HDAC9: variants seen among roughly 807,000 people sequenced by gnomAD.
HDAC9 encodes histone deacetylase 9, also known as MEF-2 interacting transcription repressor (MITR) protein.
HDAC9 carries 41 observed loss-of-function variants against 139.4 expected under a neutral mutation model. The ratio of observed to expected loss-of-function variants is 0.29; its 90% confidence interval spans 0.23 to 0.38. The LOEUF (loss-of-function observed/expected upper bound fraction) is 0.38. HDAC9 is among the 10% of genes least tolerant of loss of function. The probability of loss-of-function intolerance (pLI) is 1.00; values close to 1 mark genes in which losing one functional copy is unlikely to be tolerated. For missense variants in HDAC9, 1,147 were observed against 1,297.0 expected, an observed-to-expected ratio of 0.88 and a Z score of 1.78; for synonymous variants, 517 against 476.2, an observed-to-expected ratio of 1.09 and a Z score of -1.12.
chr7:18,137,657 A>T (rs1318910354), intron 1 of HDAC9, among the ~76,000 whole-genome samples: 1 of 150,816 alleles, frequency 6.6e-6, no homozygotes, highest in Non-Finnish European at 1.5e-5. Context: ...GATGAAGCCC[A>T]CTTGATCATG....
At chr7:18,906,452 C>A (rs1306399408) in intron 22 of HDAC9, among the ~76,000 whole-genome samples, 1 of 152,096 alleles carries the variant, frequency 6.6e-6, no homozygotes, top group Non-Finnish European at 1.5e-5. Flanking sequence ...ATGTCTTTTT[C>A]TAAATACAGA....
intron 1 of HDAC9, among the ~76,000 whole-genome samples, chr7:18,131,399 A>G (rs1425464446): frequency 6.6e-6 from 1 of 152,194 alleles, no homozygotes; most frequent in Non-Finnish European, 1.5e-5. Flanking sequence ...TGTTATGGTT[A>G]AAGAACGAGT....
At chr7:18,963,585 A>G (rs1185586988) in intron 24 of HDAC9, among the ~76,000 whole-genome samples, 1 of 152,196 alleles carries the variant, frequency 6.6e-6, no homozygotes, top group Non-Finnish European at 1.5e-5. Flanking sequence ...CTTTCAAATA[A>G]TGATAATAGA....
chr7:18,993,728 G>A (rs191244225), intron 25 of HDAC9, among the ~76,000 whole-genome samples: 93 of 152,150 alleles, frequency 6.1e-4, no homozygotes, highest in African/African-American at 2.0e-3. Flanking sequence ...GCTTGAGCCC[G>A]GGAGGTTGAG....
intron 2 of HDAC9, chr7:18,578,068 A>G: frequency 2.0e-6 from 1 of 503,658 alleles, no homozygotes; most frequent in South Asian, 1.4e-5. Flanking sequence ...TTTGGGAGCT[A>G]GAATCCCAAA....
chr7:18,947,075 A>G (rs1051984618), intron 23 of HDAC9, among the ~76,000 whole-genome samples: 3 of 152,030 alleles, frequency 2.0e-5, no homozygotes, highest in Non-Finnish European at 4.4e-5. Context: ...GTATTCTGAA[A>G]TAAAGCATTA....
At chr7:18,475,898 G>A (rs1260310705) in intron 1 of HDAC9, among the ~76,000 whole-genome samples, 24 of 152,152 alleles carry the variant, frequency 1.6e-4, no homozygotes, top group Admixed American at 1.6e-3. Flanking sequence ...AGCTCTATGT[G>A]ATTTTAAGAT....
At chr7:18,235,362 G>C (rs993668001) in intron 2 of HDAC9, among the ~76,000 whole-genome samples, 1 of 151,672 alleles carries the variant, frequency 6.6e-6, no homozygotes, top group Non-Finnish European at 1.5e-5. Flanking sequence ...TTTTAACAAC[G>C]AACTCTCTGA....
At chr7:18,194,689 T>C (rs1562733905) in intron 2 of HDAC9, among the ~76,000 whole-genome samples, 1 of 152,212 alleles carries the variant, frequency 6.6e-6, no homozygotes, top group Non-Finnish European at 1.5e-5. Flanking sequence ...ATTTTAAAGA[T>C]GTATTCATAC....
At chr7:18,097,305 A>G (rs1035777473) in intron 1 of HDAC9, among the ~76,000 whole-genome samples, 6 of 152,194 alleles carry the variant, frequency 3.9e-5, no homozygotes, top group Non-Finnish European at 8.8e-5. Flanking sequence ...AAATAGGGCA[A>G]TATAGTCCAC....
chr7:18,496,191 A>C lies in HDAC9; in HGVS notation c.-41-71A>C, dbSNP rs775503487. The C allele has an allele frequency of 1.0e-5, 16 of 1,538,938 alleles. No homozygotes were observed. In the African/African-American group the frequency reaches 2.0e-4, roughly 20 times the overall value. On this transcript the variant is annotated intron_variant, in intron 1 of 25. Transcript: ENST00000686413. ...TGCACTGAGCAGTGATGAATGTTTC[A>C]TGTAGCTGAAGTAAGAGTGACTGGA...
chr7:18,569,481 A>T (rs182087470), intron 2 of HDAC9, among the ~76,000 whole-genome samples: 1 of 152,102 alleles, frequency 6.6e-6, no homozygotes, highest in Non-Finnish European at 1.5e-5. Context: ...TATACTTTTG[A>T]TTGTACAAAG....
At chr7:18,880,851 G>T (rs879425097) in intron 22 of HDAC9, among the ~76,000 whole-genome samples, 24 of 149,934 alleles carry the variant, frequency 1.6e-4, no homozygotes, top group Admixed American at 7.3e-4. Context: ...GCCGGGGGGG[G>T]GGGAACCAAA....
Position 18,413,135 on chromosome 7 carries a change from C to T in HDAC9, c.-41-83127C>T, listed in dbSNP as rs140406661. 8.8e-4 allele frequency among the ~76,000 whole-genome samples: 134 copies of T among 152,144 alleles called. 3 individuals carry two copies. Among genetic ancestry groups the T allele is most frequent in the East Asian group, 2.9e-3 (15 of 5,178 alleles). On this transcript the variant is annotated intron_variant, in intron 1 of 3. Coordinates refer to the HDAC9 transcript ENST00000413509. Reference sequence around the variant, plus strand: ...ACCAACTAAATAGGAAAGTTTTCATCGCAATTTGAAGGGTATGCAAAATAA... The same window carrying T: ...ACCAACTAAATAGGAAAGTTTTCATTGCAATTTGAAGGGTATGCAAAATAA...
chr7:18,748,168 T>C (rs1788143430), intron 13 of HDAC9, among the ~76,000 whole-genome samples: 1 of 152,194 alleles, frequency 6.6e-6, no homozygotes, highest in South Asian at 2.1e-4. Flanking sequence ...ATAATTATCA[T>C]CTAACTTGTT....
At chr7:18,237,192 G>C (rs1793877994) in intron 2 of HDAC9, among the ~76,000 whole-genome samples, 1 of 152,216 alleles carries the variant, frequency 6.6e-6, no homozygotes, top group African/African-American at 2.4e-5. Flanking sequence ...GAGTTGCTGT[G>C]AAAGAGTCAA....
In HDAC9 at chr7:18,425,688, G is replaced by A. The variant is rs545390612; in HGVS notation, c.-41-70574G>A. On this transcript the variant is annotated intron_variant, in intron 1 of 3. Coordinates refer to the HDAC9 transcript ENST00000413509. ...GTGGGTAGTGGATTCTGGAGAGTTA[G>A]CATTGAAATACTCACTGTACATTAC... Among the ~76,000 whole-genome samples, 27 of 152,290 alleles carry A rather than the reference G, an allele frequency of 1.8e-4. No individual in the cohort carries two copies. In the East Asian group the frequency reaches 4.3e-3, roughly 24 times the overall value.
intron 2 of HDAC9, among the ~76,000 whole-genome samples, chr7:18,199,089 G>A (rs1305782397): frequency 1.3e-5 from 2 of 151,794 alleles, no homozygotes; most frequent in African/African-American, 2.4e-5. Context: ...TAAGTTTTTT[G>A]TTTGTTTGTT....
intron 2 of HDAC9, among the ~76,000 whole-genome samples, chr7:18,198,779 C>A (rs1790900060): frequency 6.6e-6 from 1 of 152,058 alleles, no homozygotes; most frequent in Non-Finnish European, 1.5e-5. Context: ...ATGTTGATAT[C>A]ATGTATTTGA....
Sources: allele counts gnomAD v4.1 joint callset (sites outside exome capture counted in the v4.1 genomes callset), GRCh38; gene constraint gnomAD v4.1.1; transcripts MANE v1.5; gene names NCBI Gene and HGNC (gene_info 2026-07-23, HGNC 2026-07-21).